RBFOX3: variants seen among roughly 807,000 people sequenced by gnomAD.
RBFOX3 encodes the protein RNA binding protein fox-1 homolog 3.
RBFOX3 carries 17 observed loss-of-function variants against 48.7 expected under a neutral mutation model. That is an observed-to-expected ratio of 0.35 (90% CI 0.24 to 0.52). The LOEUF is 0.52. RBFOX3 is among the 20% of genes least tolerant of loss of function. The probability of loss-of-function intolerance (pLI) is 0.94; values close to 1 mark genes in which losing one functional copy is unlikely to be tolerated. For synonymous variants in RBFOX3, 212 were observed against 209.5 expected (o/e 1.01, Z -0.10); for missense variants, 382 against 497.5 (o/e 0.77, Z 2.21).
At chr17:79,408,539 G>T (rs1474901340) in intron 2 of RBFOX3, among the ~76,000 whole-genome samples, 1 of 152,204 alleles carries the variant, frequency 6.6e-6, no homozygotes, top group Non-Finnish European at 1.5e-5. Flanking sequence ...GAACCTGCGG[G>T]TTCCCCATCT....
chr17:79,196,633 A>G (rs940039186), intron 4 of RBFOX3, among the ~76,000 whole-genome samples: 1 of 151,966 alleles, frequency 6.6e-6, no homozygotes, highest in Non-Finnish European at 1.5e-5. Flanking sequence ...TGCTGATGAA[A>G]TTTCCTCTCT....
At chr17:79,495,533 AGGGTG>A (rs2081339767) in intron 1 of RBFOX3, among the ~76,000 whole-genome samples, 1 of 21,072 alleles carries the variant, frequency 4.7e-5, no homozygotes, top group Non-Finnish European at 9.2e-5. Flanking sequence ...AGGGGTGCAG[AGGGTG>A]GGGAGGTGGG....
chr17:79,257,992 T>TC (rs1177610608), intron 3 of RBFOX3, among the ~76,000 whole-genome samples: 1 of 152,132 alleles, frequency 6.6e-6, no homozygotes, highest in Non-Finnish European at 1.5e-5. Flanking sequence ...TTCTTCTCTC[T>TC]CCCCCTTTAT....
At chr17:79,428,922 C>T (rs183756004) in intron 2 of RBFOX3, among the ~76,000 whole-genome samples, 1 of 152,344 alleles carries the variant, frequency 6.6e-6, no homozygotes, top group East Asian at 1.9e-4. Context: ...TGCCCTTGCT[C>T]CATGGACAGA....
At position 79,559,121 on chromosome 17, in the gene RBFOX3, T is replaced by C. The variant is rs987231836; in HGVS notation, c.-320+51705A>G. On this transcript the variant is annotated intron_variant, in intron 1 of 14. Transcript: ENST00000693108. ...TGACCTCACAATCTAGCACATTAAT[T>C]GTTCTCACTGGAATAGAGCTCCCTG... 8.0e-3 allele frequency among the ~76,000 whole-genome samples: 1,215 copies of C among 152,198 alleles called. 16 individuals carry two copies. The highest frequency in any genetic ancestry group is 0.028 in the African/African-American group (1,154 of 41,516).
At chr17:79,226,640 T>C (rs963402693) in intron 4 of RBFOX3, among the ~76,000 whole-genome samples, 4 of 152,242 alleles carry the variant, frequency 2.6e-5, no homozygotes, top group Admixed American at 1.3e-4. Context: ...ACTGTCCTGC[T>C]GGGCAGCTTT....
chr17:79,462,171 A>C (rs782230647), intron 2 of RBFOX3, among the ~76,000 whole-genome samples: 6 of 152,228 alleles, frequency 3.9e-5, no homozygotes, highest in Non-Finnish European at 2.9e-5. Context: ...TCCATCAATG[A>C]GTACCAAGCT....
intron 2 of RBFOX3, among the ~76,000 whole-genome samples, chr17:79,380,389 C>T (rs1191582878): frequency 2.0e-5 from 3 of 152,262 alleles, no homozygotes; most frequent in African/African-American, 4.8e-5. Context: ...ATCCAAGGCT[C>T]TTGTGAAGGT....
chr17:79,553,833 A>C (rs1178555284), intron 1 of RBFOX3, among the ~76,000 whole-genome samples: 4 of 151,930 alleles, frequency 2.6e-5, no homozygotes, highest in African/African-American at 4.8e-5. Context: ...CCTGGGTGCA[A>C]GCGATTCTCC....
intron 2 of RBFOX3, among the ~76,000 whole-genome samples, chr17:79,324,863 G>T (rs889402470): frequency 3.9e-5 from 6 of 152,212 alleles, no homozygotes; most frequent in Non-Finnish European, 7.3e-5. Flanking sequence ...CAGGAAGAGG[G>T]CTGAAGAGCC....
At position 79,423,873 on chromosome 17, in the gene RBFOX3, C is replaced by A. The variant is rs1038130884; in HGVS notation, c.-175+58581G>T. 6.5e-6 allele frequency: 1 copy of A among 153,796 alleles called. No homozygotes were observed. Among genetic ancestry groups the A allele is most frequent in the African/African-American group, 2.4e-5 (1 of 41,448 alleles). The allele number at this position is 153,796 out of a possible 1,614,324, so 9.5% of individuals were successfully genotyped here. On this transcript the variant is annotated intron_variant, in intron 2 of 14. Transcript: ENST00000693108. The surrounding 1 kb of genome is among the most constrained non-coding windows in gnomAD (Gnocchi z 4.9). ...TCAGTCATGTGCTACCCAGAGCACG[C>A]CACATGCCCTCAGCTCCCTGAGGCC...
In RBFOX3 at chr17:79,477,154, A is replaced by G. The variant is rs2077929576; in HGVS notation, c.-175+5300T>C. 6.6e-6 allele frequency among the ~76,000 whole-genome samples: 1 copy of G among 150,812 alleles called. No homozygotes were observed. Among genetic ancestry groups the G allele is most frequent in the Non-Finnish European group, 1.5e-5 (1 of 67,772 alleles). On this transcript the variant is annotated intron_variant, in intron 2 of 14. Transcript: ENST00000693108. This position sits in a 1 kb window ranked among gnomAD's most constrained non-coding sequence, Gnocchi z 4.8. ...AAGCTGAGGCAGGAGAATCTCTTAA[A>G]CCCAGGAGGTAGAGGTTGCAGTGAG... is the stretch of plus-strand genomic sequence containing the variant.
chr17:79,440,029 TGCCCGAGCCTCAC>T (rs55667568), intron 2 of RBFOX3, among the ~76,000 whole-genome samples: 52,788 of 152,014 alleles, frequency 0.35, 9,343 homozygotes, highest in Middle Eastern at 0.4. Flanking sequence ...CTCATGAGGC[TGCCCGAGCCTCAC>T]ACCCGGGCCA....
At chr17:79,497,775 C>A (rs1567830) in intron 1 of RBFOX3, among the ~76,000 whole-genome samples, 1 of 152,186 alleles carries the variant, frequency 6.6e-6, no homozygotes, top group South Asian at 2.1e-4. Flanking sequence ...CAGATGGGCA[C>A]GGCCAAAGCT....
chr17:79,150,302 A>G (rs1226047632), intron 4 of RBFOX3, among the ~76,000 whole-genome samples: 3 of 151,922 alleles, frequency 2.0e-5, no homozygotes, highest in Admixed American at 2.0e-4. Context: ...CTGCTTGGGT[A>G]GGACGCTCTG....
chr17:79,519,397 C>T (rs2085731433), intron 1 of RBFOX3, among the ~76,000 whole-genome samples: 1 of 152,260 alleles, frequency 6.6e-6, no homozygotes, highest in African/African-American at 2.4e-5. Flanking sequence ...CCCGGCTTTG[C>T]AGCCCACCCA....
rs1023543398 is a variant in RBFOX3 at position 79,362,357 on chromosome 17, G to A, written c.-174-54533C>T. Among the ~76,000 whole-genome samples, 2 of 152,210 alleles carry A rather than the reference G, an allele frequency of 1.3e-5. No individual in the cohort carries two copies. The highest frequency in any genetic ancestry group is 4.8e-5 in the African/African-American group (2 of 41,456). On this transcript the variant is annotated intron_variant, in intron 2 of 14. Transcript: ENST00000693108. This position sits in a 1 kb window ranked among gnomAD's most constrained non-coding sequence, Gnocchi z 4.2. ...TCCCCGGCCAGCGTCTGCGTAGGAC[G>A]GTGGGAGAGGCTGAGTGCAGCGTCT...
intron 4 of RBFOX3, among the ~76,000 whole-genome samples, chr17:79,200,220 G>A (rs1281300895): frequency 6.7e-6 from 1 of 150,372 alleles, no homozygotes; most frequent in Admixed American, 6.6e-5. Context: ...ACTTCCCAAG[G>A]CCCAGTGAGA....
chr17:79,517,980 A>T lies in RBFOX3; in HGVS notation c.-319-35382T>A, dbSNP rs932149069. On this transcript the variant is annotated intron_variant, in intron 1 of 14. Transcript: ENST00000693108. Reference sequence around the variant, plus strand: ...GAGGCAGCCGGAGAAACCGAACGAGACTCCCATAATTACATGGAGATAAGA... The same window carrying T: ...GAGGCAGCCGGAGAAACCGAACGAGTCTCCCATAATTACATGGAGATAAGA... Among the ~76,000 whole-genome samples the T allele has an allele frequency of 3.9e-5, 6 of 152,106 alleles. No homozygotes were observed. In the South Asian group the frequency reaches 6.2e-4, roughly 16 times the overall value.
Sources: allele counts gnomAD v4.1 joint callset (sites outside exome capture counted in the v4.1 genomes callset), GRCh38; gene constraint gnomAD v4.1.1; non-coding constraint Gnocchi (gnomAD v3.1); transcripts MANE v1.5; gene names NCBI Gene and HGNC (gene_info 2026-07-23, HGNC 2026-07-21).